The following ABCA13 variants were observed in gnomAD, a reference collection of about 807,000 sequenced individuals.
ABCA13 encodes ATP-binding cassette sub-family A member 13.
A neutral mutation model predicts 478.7 loss-of-function variants in ABCA13; 476 were observed. The observed-to-expected ratio is 0.99, with a 90% CI of 0.92 to 1.07. The LOEUF (loss-of-function observed/expected upper bound fraction) is 1.07, where lower values mean the gene tolerates loss of function less well. Among genes scored for constraint, ABCA13 ranks in the 50% least tolerant of loss-of-function variants. The pLI is 0.00. For missense variants in ABCA13, 6,060 were observed against 5,910.6 expected, an observed-to-expected ratio of 1.03 and a Z score of -0.83; for synonymous variants, 2,252 against 2,158.9, an observed-to-expected ratio of 1.04 and a Z score of -1.20.
intron 15 of ABCA13, among the ~76,000 whole-genome samples, chr7:48,265,165 A>C (rs1794709727): frequency 6.6e-6 from 1 of 151,726 alleles, no homozygotes; most frequent in South Asian, 2.1e-4. Context: ...TTATACCAAA[A>C]TTAACTATCT....
chr7:48,554,388 G>A (rs543696641), intron 55 of ABCA13, among the ~76,000 whole-genome samples: 2 of 152,088 alleles, frequency 1.3e-5, no homozygotes, highest in African/African-American at 4.8e-5. Flanking sequence ...GATAGGGATT[G>A]TATTGAATCT....
In ABCA13 at chr7:48,524,334, C is replaced by T. The variant is rs193229571; in HGVS notation, c.14138C>T (p.Thr4713Ile). Residue 4713 changes from threonine to isoleucine, a missense_variant, in exon 54 of 62, where the codon ACC (threonine) becomes ATC (isoleucine). This residue lies in a region of ABCA13 where 1,627 missense variants were observed against 1,571.0 expected (regional missense o/e 1.04). Coordinates refer to ENST00000435803, the MANE Select transcript of ABCA13 (RefSeq NM_152701.5). ...GAAAAGAGAGTGTTTGAAGGAAGGA[C>T]CAATGGAGACATTCTTGTGTTATAC... ...KEEKRVFEGR[T>I]NGDILVLYNL... The T allele has an allele frequency of 6.2e-7, 1 of 1,613,176 alleles. No individual in the cohort carries two copies. The highest frequency in any genetic ancestry group is 8.5e-7 in the Non-Finnish European group (1 of 1,179,492).
intron 10 of ABCA13, among the ~76,000 whole-genome samples, chr7:48,244,324 C>T (rs975490279): frequency 8.5e-5 from 13 of 152,220 alleles, no homozygotes; most frequent in Non-Finnish European, 1.9e-4. Context: ...TTTACACACA[C>T]CTAGGAATAT....
chr7:48,624,753 C>T (rs1793502984), intron 59 of ABCA13, among the ~76,000 whole-genome samples: 1 of 151,990 alleles, frequency 6.6e-6, no homozygotes, highest in African/African-American at 2.4e-5. Context: ...TGAGGTTTCA[C>T]CATGTTGGTC....
intron 51 of ABCA13, among the ~76,000 whole-genome samples, chr7:48,514,748 T>G (rs902524100): frequency 9.9e-5 from 15 of 152,146 alleles, no homozygotes; most frequent in African/African-American, 3.6e-4. Flanking sequence ...TCTGTGGTAG[T>G]TTATTTCAGA....
intron 51 of ABCA13, among the ~76,000 whole-genome samples, chr7:48,512,562 G>T (rs1831781269): frequency 6.6e-6 from 1 of 152,114 alleles, no homozygotes; most frequent in Admixed American, 6.6e-5. Context: ...GGATAGTGTT[G>T]TCATGTCTCC....
intron 27 of ABCA13, among the ~76,000 whole-genome samples, chr7:48,322,662 A>G (rs890933795): frequency 6.6e-6 from 1 of 152,190 alleles, no homozygotes; most frequent in African/African-American, 2.4e-5. Flanking sequence ...TTATCCTCCA[A>G]CCTTCTTAAG....
At chr7:48,357,379 C>T (rs6948541) in intron 31 of ABCA13, among the ~76,000 whole-genome samples, 26,369 of 151,792 alleles carry the variant, frequency 0.17, 2,516 homozygotes, top group South Asian at 0.3. Flanking sequence ...CTCTGTTGCC[C>T]GCAGGCTCTG....
chr7:48,591,119 T>C (rs1258776018), intron 57 of ABCA13, among the ~76,000 whole-genome samples: 1 of 152,060 alleles, frequency 6.6e-6, no homozygotes, highest in East Asian at 1.9e-4. Context: ...ATCTTATGTT[T>C]AAATCTTTAA....
intron 27 of ABCA13, among the ~76,000 whole-genome samples, chr7:48,320,854 G>T (rs1007295872): frequency 3.3e-5 from 5 of 152,214 alleles, no homozygotes; most frequent in African/African-American, 1.2e-4. Flanking sequence ...AAAGGACAGA[G>T]CTTTGAACTG....
chr7:48,383,257 T>A (rs1414072430), intron 35 of ABCA13, among the ~76,000 whole-genome samples: 1 of 152,228 alleles, frequency 6.6e-6, no homozygotes, highest in Non-Finnish European at 1.5e-5. Flanking sequence ...CAGTTGTCTA[T>A]GTGTGCACAC....
intron 52 of ABCA13, among the ~76,000 whole-genome samples, chr7:48,519,497 T>C (rs919428479): frequency 4.6e-5 from 7 of 152,238 alleles, no homozygotes; most frequent in Admixed American, 3.3e-4. Flanking sequence ...TCACAGTTTA[T>C]ATGATGACAC....
chr7:48,229,890 A>T lies in ABCA13; in HGVS notation c.698A>T (p.Glu233Val), dbSNP rs375042376. Residue 233 changes from glutamate (E) to valine (V), a missense_variant, in exon 7 of 62, where the codon GAA (glutamate) becomes GTA (valine). Glu to Val is a moderately radical substitution (Grantham distance 121). Coordinates refer to ENST00000435803, the MANE Select transcript of ABCA13 (RefSeq NM_152701.5). Reference sequence around the variant, plus strand: ...AACCAAACTTTTTCCCAGGTTTCTGAACTTGTACTGAATGTGACCATTTCG... The same window carrying T: ...AACCAAACTTTTTCCCAGGTTTCTGTACTTGTACTGAATGTGACCATTTCG... ...PLNQTFSQVS[E>V]LVLNVTISTL... 6.2e-7 allele frequency: 1 copy of T among 1,614,046 alleles called. No individual in the cohort carries two copies. Among genetic ancestry groups the T allele is most frequent in the East Asian group, 2.2e-5 (1 of 44,884 alleles).
In ABCA13 at chr7:48,234,058, T is replaced by A; in HGVS notation, c.804T>A (p.Asp268Glu). The A allele has an allele frequency of 6.2e-7, 1 of 1,613,980 alleles. No homozygotes were observed. The highest frequency in any genetic ancestry group is 8.5e-7 in the Non-Finnish European group (1 of 1,179,876). The part of the protein sequence containing the change: ...YHLSMQNIVW[D>E]PQKVQYDLKS... Reference sequence around the variant, plus strand: ...TGTCCATGCAGAATATAGTGTGGGATCCACAGAAAGTCCAGTATGATCTCA... The same window carrying A: ...TGTCCATGCAGAATATAGTGTGGGAACCACAGAAAGTCCAGTATGATCTCA... Residue 268 changes from aspartate (D) to glutamate (E), a missense_variant, in exon 8 of 62, where the codon GAT becomes GAA. Asp to Glu is a conservative substitution (Grantham distance 45, BLOSUM62 2). Transcript: ENST00000435803.
intron 29 of ABCA13, among the ~76,000 whole-genome samples, chr7:48,342,316 A>G (rs577409871): frequency 2.0e-5 from 3 of 152,144 alleles, no homozygotes; most frequent in African/African-American, 7.2e-5. Context: ...TCCTTGTTCC[A>G]TCAGCTCTTA....
chr7:48,324,561 C>G (rs879223263), intron 27 of ABCA13, among the ~76,000 whole-genome samples: 2 of 152,138 alleles, frequency 1.3e-5, no homozygotes. Flanking sequence ...ACTTGTGAAC[C>G]CTGTCCTTAT....
At chr7:48,205,404 A>T (rs561651529) in intron 3 of ABCA13, among the ~76,000 whole-genome samples, 40 of 152,286 alleles carry the variant, frequency 2.6e-4, no homozygotes, top group Non-Finnish European at 4.9e-4. Context: ...TCCCATTGTG[A>T]CATGAATTAA....
At chr7:48,538,688 G>C (rs994313463) in intron 55 of ABCA13, among the ~76,000 whole-genome samples, 3 of 152,074 alleles carry the variant, frequency 2.0e-5, no homozygotes, top group Non-Finnish European at 4.4e-5. Flanking sequence ...TAGAACTTTG[G>C]TAGCTAACTT....
At chr7:48,355,136 T>C (rs1584982176) in intron 31 of ABCA13, among the ~76,000 whole-genome samples, 2 of 151,822 alleles carry the variant, frequency 1.3e-5, no homozygotes, top group East Asian at 3.9e-4. Context: ...AAGAAGACAA[T>C]TGCATTGAAT....
Sources: allele counts gnomAD v4.1 joint callset (sites outside exome capture counted in the v4.1 genomes callset), GRCh38; gene constraint gnomAD v4.1.1; regional missense constraint gnomAD v4.1.1; transcripts MANE v1.5; gene names NCBI Gene and HGNC (gene_info 2026-07-23, HGNC 2026-07-21).